GRIK4: variants seen among roughly 807,000 people sequenced by gnomAD.
GRIK4 encodes the protein glutamate receptor ionotropic, kainate 4.
Under a neutral mutation model 104.9 loss-of-function variants are expected in GRIK4, and 40 were observed. That is an observed-to-expected ratio of 0.38 (90% CI 0.30 to 0.50). The LOEUF (loss-of-function observed/expected upper bound fraction) is 0.50, where lower values mean the gene tolerates loss of function less well. Among genes scored for constraint, GRIK4 ranks in the 20% least tolerant of loss-of-function variants. GRIK4 has a pLI of 0.93. For missense variants in GRIK4, 1,047 were observed against 1,308.1 expected (o/e 0.80, Z 3.08); for synonymous variants, 485 against 524.9 (o/e 0.92, Z 1.04).
At chr11:120,938,868 C>T (rs1393414404) in intron 13 of GRIK4, among the ~76,000 whole-genome samples, 2 of 152,204 alleles carry the variant, frequency 1.3e-5, no homozygotes, top group African/African-American at 2.4e-5. Context: ...CTGCGTCCTA[C>T]CACCAGAAAA....
chr11:120,521,637 G>A (rs1159444815), intron 1 of GRIK4, among the ~76,000 whole-genome samples: 2 of 152,196 alleles, frequency 1.3e-5, no homozygotes, highest in Non-Finnish European at 2.9e-5. Flanking sequence ...TTGTGCGGTG[G>A]TAGAGGCAGT....
At chr11:120,517,890 T>C (rs865859237) in intron 1 of GRIK4, among the ~76,000 whole-genome samples, 5 of 152,124 alleles carry the variant, frequency 3.3e-5, no homozygotes, top group African/African-American at 1.2e-4. Context: ...GAGGATTTAA[T>C]AGAATGAGAA....
chr11:120,864,133 C>G (rs1954331112), intron 9 of GRIK4, among the ~76,000 whole-genome samples: 2 of 152,176 alleles, frequency 1.3e-5, no homozygotes, highest in African/African-American at 4.8e-5. Context: ...GACTCAACCC[C>G]TAGCAGCAAT....
Position 120,757,122 on chromosome 11 carries a change from T to C in GRIK4, c.83-45571T>C, listed in dbSNP as rs1951667343. On this transcript the variant is annotated intron_variant, in intron 3 of 20. Coordinates refer to ENST00000527524, the MANE Select transcript of GRIK4 (RefSeq NM_014619.5). ...GGGTAAGAGACTCCCAGAGTTGGCCTGAGAGGTTTTGGAGGCACACACTTG... is the reference window on the plus strand; with the variant it reads ...GGGTAAGAGACTCCCAGAGTTGGCCCGAGAGGTTTTGGAGGCACACACTTG... 2.6e-5 allele frequency among the ~76,000 whole-genome samples: 4 copies of C among 152,322 alleles called. No homozygotes were observed. In the South Asian group the frequency reaches 8.3e-4, roughly 32 times the overall value.
chr11:120,720,911 A>T (rs922215565), intron 3 of GRIK4, among the ~76,000 whole-genome samples: 1 of 152,116 alleles, frequency 6.6e-6, no homozygotes, highest in African/African-American at 2.4e-5. Flanking sequence ...GCAAAGACAG[A>T]AGAGAGAGGG....
intron 3 of GRIK4, among the ~76,000 whole-genome samples, chr11:120,710,764 C>T (rs1275315611): frequency 6.6e-6 from 1 of 152,206 alleles, no homozygotes; most frequent in Non-Finnish European, 1.5e-5. Context: ...TTTGCTACCT[C>T]AGGAAAGCAG....
chr11:120,725,903 G>T (rs1341271445), intron 3 of GRIK4, among the ~76,000 whole-genome samples: 1 of 152,148 alleles, frequency 6.6e-6, no homozygotes, highest in African/African-American at 2.4e-5. Flanking sequence ...TGATGGTGGT[G>T]GTGGGGGGTA....
chr11:120,515,512 C>G (rs528530559), intron 1 of GRIK4, among the ~76,000 whole-genome samples: 1 of 152,338 alleles, frequency 6.6e-6, no homozygotes, highest in South Asian at 2.1e-4. Context: ...TGAGTGGCCG[C>G]CTTCTGCTCT....
intron 8 of GRIK4, among the ~76,000 whole-genome samples, chr11:120,838,806 A>G (rs1392406357): frequency 6.6e-6 from 1 of 151,728 alleles, no homozygotes; most frequent in Non-Finnish European, 1.5e-5. Context: ...TTTTTTTGAG[A>G]CAGAATCTCG....
intron 11 of GRIK4, among the ~76,000 whole-genome samples, chr11:120,895,056 C>T (rs1056771229): frequency 6.6e-6 from 1 of 152,084 alleles, no homozygotes; most frequent in Admixed American, 6.6e-5. Context: ...GCCGTGTCCC[C>T]AGAGGAGGGA....
chr11:120,834,900 G>A (rs1016325763), intron 7 of GRIK4, among the ~76,000 whole-genome samples: 1 of 152,222 alleles, frequency 6.6e-6, no homozygotes, highest in African/African-American at 2.4e-5. Context: ...CCCCCAGCCT[G>A]TCGCTGTAAG....
At chr11:120,969,799 C>T (rs1326316710) in intron 19 of GRIK4, among the ~76,000 whole-genome samples, 1 of 152,076 alleles carries the variant, frequency 6.6e-6, no homozygotes, top group Non-Finnish European at 1.5e-5. Context: ...AGCAGAAGGA[C>T]CTTCTGCTTA....
intron 1 of GRIK4, among the ~76,000 whole-genome samples, chr11:120,515,292 C>G (rs1050631143): frequency 3.3e-5 from 5 of 152,224 alleles, no homozygotes; most frequent in Non-Finnish European, 7.3e-5. Context: ...GTCCTCACAT[C>G]ACTCCCTGCA....
chr11:120,658,867 G>C (rs527539885), intron 2 of GRIK4, among the ~76,000 whole-genome samples: 1 of 145,378 alleles, frequency 6.9e-6, no homozygotes, highest in East Asian at 2.2e-4. Context: ...TCCTGCCTCA[G>C]CCTCCCGAGC....
At chr11:120,976,668 A>AAGCTCCTC (rs1944565811) in intron 19 of GRIK4, among the ~76,000 whole-genome samples, 1 of 152,196 alleles carries the variant, frequency 6.6e-6, no homozygotes, top group African/African-American at 2.4e-5. Flanking sequence ...CAGCTCATGG[A>AAGCTCCTC]AGCTCCTCAG....
At position 120,722,279 on chromosome 11, in the gene GRIK4, A is replaced by G. The variant is rs115739196; in HGVS notation, c.82+61879A>G. ...CCAATTTGATTCTACTACTTCCGCCATGATGGAGGTAATGGTGTTTTGGCA... is the reference window on the plus strand; with the variant it reads ...CCAATTTGATTCTACTACTTCCGCCGTGATGGAGGTAATGGTGTTTTGGCA... On this transcript the variant is annotated intron_variant, in intron 3 of 20. Transcript: ENST00000527524. 5.4e-3 allele frequency among the ~76,000 whole-genome samples: 816 copies of G among 152,324 alleles called. 5 individuals carry two copies. Among genetic ancestry groups the G allele is most frequent in the African/African-American group, 0.019 (790 of 41,562 alleles).
chr11:120,669,833 A>G (rs1324146710), intron 3 of GRIK4, among the ~76,000 whole-genome samples: 2 of 152,234 alleles, frequency 1.3e-5, no homozygotes, highest in African/African-American at 4.8e-5. Flanking sequence ...GATCTCATGC[A>G]GTCTTAGGGC....
intron 3 of GRIK4, among the ~76,000 whole-genome samples, chr11:120,749,188 C>T (rs1336379175): frequency 2.0e-5 from 3 of 151,886 alleles, no homozygotes; most frequent in Admixed American, 1.3e-4. Context: ...TGCCAACATT[C>T]CCCCCACCCC....
In GRIK4 at chr11:120,898,543, G is replaced by A. The variant is rs756477691; in HGVS notation, c.1176G>A (p.Trp392Ter). ...TRNGFRQIGQ[W>*]HVAEGLSMDS... is the part of the protein sequence containing the mutation. Reference sequence around the variant, plus strand: ...GTTGGTCTCCTCAGATCGGCCAGTGGCACGTGGCAGAGGGCCTCAGCATGG... The same window carrying A: ...GTTGGTCTCCTCAGATCGGCCAGTGACACGTGGCAGAGGGCCTCAGCATGG... The change falls in exon 12 of 21, where the codon TGG (tryptophan) becomes TGA (stop). Residue 392 changes from tryptophan to a stop codon, truncating the protein, a stop_gained. Transcript: ENST00000527524. LOFTEE classifies it high-confidence loss of function. 1.2e-6 allele frequency: 2 copies of A among 1,601,904 alleles called. No homozygotes were observed. Among genetic ancestry groups the A allele is most frequent in the Non-Finnish European group, 1.7e-6 (2 of 1,168,844 alleles).
Sources: gnomAD v4.1 joint callset for allele counts (sites outside exome capture counted in the v4.1 genomes callset) on GRCh38, gnomAD v4.1.1 for gene constraint, MANE v1.5 for transcripts, NCBI Gene and HGNC (gene_info 2026-07-23, HGNC 2026-07-21) for gene names.